Variants in CRADD observed in about 807,000 individuals in gnomAD.
The protein encoded by CRADD is CARD and death domain containing adaptor protein.
In CRADD, 9 loss-of-function variants were observed where a neutral mutation model predicts 15.5. The observed-to-expected ratio is 0.58, with a 90% CI of 0.35 to 1.01. CRADD has a LOEUF of 1.01. Ranked by LOEUF, CRADD falls within the 50% of genes least tolerant of loss-of-function variation. CRADD has a pLI of 0.02. For synonymous variants in CRADD, 118 were observed against 107.6 expected, an observed-to-expected ratio of 1.10 and a Z score of -0.60; for missense variants, 227 against 250.3, an observed-to-expected ratio of 0.91 and a Z score of 0.63.
At chr12:93,844,572 G>T (rs756351238) in intron 2 of CRADD, among the ~76,000 whole-genome samples, 1 of 152,184 alleles carries the variant, frequency 6.6e-6, no homozygotes, top group Non-Finnish European at 1.5e-5. Flanking sequence ...CCCTGAAAGT[G>T]TGGAAGAATC....
downstream of CRADD, among the ~76,000 whole-genome samples, chr12:93,854,628 C>T (rs1429677323): frequency 6.6e-6 from 1 of 152,190 alleles, no homozygotes; most frequent in Non-Finnish European, 1.5e-5. Context: ...TTTGGCTACT[C>T]TGGATCCCTG....
intron 2 of CRADD, among the ~76,000 whole-genome samples, chr12:93,833,826 T>TC (rs1296703610): frequency 6.6e-6 from 1 of 151,872 alleles, no homozygotes; most frequent in East Asian, 1.9e-4. Context: ...TTTTGTGTTT[T>TC]TTTTTCCAAT....
At chr12:93,862,521 G>C (rs1469955059) in intron 2 of CRADD, among the ~76,000 whole-genome samples, 1 of 152,230 alleles carries the variant, frequency 6.6e-6, no homozygotes, top group East Asian at 1.9e-4. Context: ...AGGTGAGAGA[G>C]GGCCCAGAAG....
At chr12:93,782,198 T>C (rs188516017) in intron 2 of CRADD, among the ~76,000 whole-genome samples, 2,268 of 152,170 alleles carry the variant, frequency 0.015, 24 homozygotes, top group Non-Finnish European at 0.022. Context: ...TGTAGGGACA[T>C]GGATGAAACT....
rs943232352 is a variant in CRADD at position 93,776,396 on chromosome 12, G to GTC, written c.299-73574_299-73573insTC. ...TGTGTGTATTTAAAATTTTTTTGAAGACTGTGTGTATTTAAAATTTTGATA... is the reference window on the plus strand; with the variant it reads ...TGTGTGTATTTAAAATTTTTTTGAAGTCACTGTGTGTATTTAAAATTTTGATA... On this transcript the variant is annotated intron_variant, in intron 2 of 2. Coordinates refer to ENST00000332896, the MANE Select transcript of CRADD (RefSeq NM_003805.5). Among the ~76,000 whole-genome samples, 14 of 152,192 alleles carry GTC rather than the reference G, an allele frequency of 9.2e-5. 1 individual carries two copies. Among genetic ancestry groups the GTC allele is most frequent in the African/African-American group, 2.9e-4 (12 of 41,436 alleles).
At chr12:93,851,988 T>C (rs1231686768), downstream of CRADD, among the ~76,000 whole-genome samples, 3 of 152,340 alleles carry the variant, frequency 2.0e-5, no homozygotes, top group East Asian at 3.9e-4. Flanking sequence ...ATTCTTCCAG[T>C]GAATTCGGTT....
chr12:93,877,407 C>G (rs898086358), intron 2 of CRADD, among the ~76,000 whole-genome samples: 48 of 152,224 alleles, frequency 3.2e-4, no homozygotes, highest in Non-Finnish European at 2.5e-4. Context: ...CTGTGACCTT[C>G]CCTTCAGGGT....
At chr12:93,759,947 T>A (rs1471345283) in intron 2 of CRADD, among the ~76,000 whole-genome samples, 2 of 152,176 alleles carry the variant, frequency 1.3e-5, no homozygotes, top group Non-Finnish European at 2.9e-5. Flanking sequence ...TACTCCCATC[T>A]GATGGTGGGG....
At chr12:93,872,802 T>C (rs1313203591) in intron 2 of CRADD, among the ~76,000 whole-genome samples, 3 of 152,208 alleles carry the variant, frequency 2.0e-5, no homozygotes, top group African/African-American at 7.2e-5. Flanking sequence ...CTGTTTTGGT[T>C]ACTATAGCTT....
chr12:93,814,080 C>T (rs550576637), intron 2 of CRADD, among the ~76,000 whole-genome samples: 1 of 152,310 alleles, frequency 6.6e-6, no homozygotes, highest in Non-Finnish European at 1.5e-5. Flanking sequence ...GGTTTCTCAG[C>T]TGCCTGCCAA....
At chr12:93,791,668 T>C (rs1002030331) in intron 2 of CRADD, among the ~76,000 whole-genome samples, 3 of 152,148 alleles carry the variant, frequency 2.0e-5, no homozygotes, top group Non-Finnish European at 2.9e-5. Flanking sequence ...TAAATCCAAA[T>C]GTTCACACCA....
chr12:93,750,558 A>C, intron 2 of CRADD, among the ~76,000 whole-genome samples: 1 of 152,270 alleles, frequency 6.6e-6, no homozygotes, highest in South Asian at 2.1e-4. Context: ...AATTACATAC[A>C]AAAAAACCTA....
intron 2 of CRADD, among the ~76,000 whole-genome samples, chr12:93,743,795 T>A (rs1270738155): frequency 6.6e-6 from 1 of 152,192 alleles, no homozygotes; most frequent in African/African-American, 2.4e-5. Context: ...AATTTCCAAT[T>A]TCAAGGTAGT....
At chr12:93,827,048 A>G (rs1287423283) in intron 2 of CRADD, among the ~76,000 whole-genome samples, 1 of 152,178 alleles carries the variant, frequency 6.6e-6, no homozygotes, top group East Asian at 1.9e-4. Context: ...AATAAACCCA[A>G]AAAAACCCCC....
intron 2 of CRADD, among the ~76,000 whole-genome samples, chr12:93,772,829 G>A (rs1171949257): frequency 6.6e-6 from 1 of 152,140 alleles, no homozygotes; most frequent in Non-Finnish European, 1.5e-5. Flanking sequence ...CCTGCTGATC[G>A]TGCCCTGCAC....
chr12:93,738,558 C>T (rs974833688), intron 2 of CRADD: 11 of 688,486 alleles, frequency 1.6e-5, no homozygotes, highest in African/African-American at 7.0e-5. Context: ...TTCCTCACAC[C>T]TGCCTCACCC....
chr12:93,863,295 A>G (rs1292102911), intron 2 of CRADD, among the ~76,000 whole-genome samples: 1 of 152,152 alleles, frequency 6.6e-6, no homozygotes, highest in Non-Finnish European at 1.5e-5. Flanking sequence ...TTCTGTCTAT[A>G]GCCCCAGGCC....
intron 2 of CRADD, among the ~76,000 whole-genome samples, chr12:93,802,617 G>T (rs1050418175): frequency 2.0e-5 from 3 of 152,204 alleles, no homozygotes; most frequent in Non-Finnish European, 4.4e-5. Context: ...CTGTTCTGCA[G>T]GTAAATGTAT....
chr12:93,829,256 T>C (rs1420936655), intron 2 of CRADD, among the ~76,000 whole-genome samples: 1 of 152,110 alleles, frequency 6.6e-6, no homozygotes, highest in African/African-American at 2.4e-5. Flanking sequence ...GTCTGTTTTG[T>C]TATGCTCTCC....
Sources: allele counts gnomAD v4.1 joint callset (sites outside exome capture counted in the v4.1 genomes callset), GRCh38; gene constraint gnomAD v4.1.1; transcripts MANE v1.5; gene names NCBI Gene and HGNC (gene_info 2026-07-23, HGNC 2026-07-21).